AFF2: variants seen among roughly 807,000 people sequenced by gnomAD.
AFF2 encodes the protein AF4/FMR2 family member 2.
AFF2 carries 14 observed loss-of-function variants against 76.9 expected under a neutral mutation model. That is an observed-to-expected ratio of 0.18 (90% CI 0.12 to 0.28). AFF2 has a LOEUF of 0.28. Ranked by LOEUF, AFF2 falls within the 10% of genes least tolerant of loss-of-function variation. The probability of loss-of-function intolerance (pLI) is 1.00; values close to 1 mark genes in which losing one functional copy is unlikely to be tolerated. For synonymous variants in AFF2, 398 were observed against 366.7 expected (o/e 1.09, Z -0.98); for missense variants, 868 against 1,001.1 (o/e 0.87, Z 1.79).
chrX:148,533,801 C>T (rs1253746019), intron 1 of AFF2, among the ~76,000 whole-genome samples: 1 of 112,142 alleles, frequency 8.9e-6, no homozygotes, highest in Non-Finnish European at 1.9e-5. Context: ...ATTTGTCTTT[C>T]ATAGTCTCCA....
intron 3 of AFF2, among the ~76,000 whole-genome samples, chrX:148,760,336 T>A (rs2069425322): frequency 9.0e-6 from 1 of 111,269 alleles, no homozygotes; most frequent in Non-Finnish European, 1.9e-5. Context: ...CAGACTGGAG[T>A]TTTCTATGGG....
chrX:148,966,669 T>C (rs1158968373), intron 13 of AFF2, 121 bp from the exon 14 acceptor site: 23 of 1,040,773 alleles, frequency 2.2e-5, no homozygotes, highest in Non-Finnish European at 2.7e-5. Flanking sequence ...GTGTGCATTG[T>C]TTTCTTTCTT....
chrX:148,925,520 C>A (rs1395725877), intron 9 of AFF2, among the ~76,000 whole-genome samples: 3 of 112,221 alleles, frequency 2.7e-5, no homozygotes, highest in Non-Finnish European at 5.6e-5. Flanking sequence ...TAACAGAATG[C>A]TGGCCGATGG....
chrX:148,562,315 A>G, intron 1 of AFF2, among the ~76,000 whole-genome samples: 1 of 112,093 alleles, frequency 8.9e-6, no homozygotes, highest in Non-Finnish European at 1.9e-5. Flanking sequence ...AATGGTGAGT[A>G]AAAGTCATGC....
At chrX:148,910,970 A>T (rs1438167521) in intron 9 of AFF2, among the ~76,000 whole-genome samples, 3 of 111,136 alleles carry the variant, frequency 2.7e-5, no homozygotes, top group African/African-American at 9.8e-5. Context: ...TGGACATTCC[A>T]CTTCTTTAAA....
chrX:148,825,528 T>C lies in AFF2; in HGVS notation c.1087-12119T>C, dbSNP rs782551509. On this transcript the variant is annotated intron_variant, in intron 4 of 20. Transcript: ENST00000370460. ...ATCTGATTTGGCCAAGGAGTTTAGA[T>C]TGCCCCTGTGATTTTCTTGAATATT... is the stretch of plus-strand genomic sequence containing the variant. Among the ~76,000 whole-genome samples, 6 of 110,808 alleles carry C rather than the reference T, an allele frequency of 5.4e-5. No individual in the cohort carries two copies. In the South Asian group the frequency reaches 1.2e-3, roughly 22 times the overall value.
chrX:148,704,919 G>A (rs1177226323), intron 3 of AFF2, among the ~76,000 whole-genome samples: 1 of 110,068 alleles, frequency 9.1e-6, no homozygotes, highest in African/African-American at 3.3e-5. Context: ...CTCCCACCTC[G>A]GCCTCCCAAA....
intron 9 of AFF2, among the ~76,000 whole-genome samples, chrX:148,917,206 G>A (rs782277196): frequency 8.9e-6 from 1 of 112,088 alleles, no homozygotes; most frequent in East Asian, 2.8e-4. Context: ...CCCTCCAAGT[G>A]ATTCTTCTGG....
chrX:148,970,212 C>A (rs1557289358), intron 15 of AFF2, among the ~76,000 whole-genome samples: 2 of 112,074 alleles, frequency 1.8e-5, no homozygotes, highest in Non-Finnish European at 3.8e-5. Flanking sequence ...GATATTTCTC[C>A]ACAGTAGCTT....
At chrX:148,895,030 G>A (rs782362644) in intron 8 of AFF2, among the ~76,000 whole-genome samples, 2 of 111,275 alleles carry the variant, frequency 1.8e-5, no homozygotes, top group African/African-American at 6.6e-5. Context: ...CTGCAGTCCG[G>A]ATTCATGCCC....
chrX:148,506,338 A>T (rs952633802), intron 1 of AFF2, among the ~76,000 whole-genome samples: 1 of 111,677 alleles, frequency 9.0e-6, no homozygotes, highest in Admixed American at 9.5e-5. Flanking sequence ...CATTTTATTG[A>T]ATGGCAAATT....
chrX:148,701,016 G>GAA (rs1239381497), intron 3 of AFF2, among the ~76,000 whole-genome samples: 2,858 of 98,116 alleles, frequency 0.029, 37 homozygotes, highest in Non-Finnish European at 0.041. Context: ...GAGAGAATGT[G>GAA]TGTGTGTGTG....
At chrX:148,585,611 G>C (rs189131910) in intron 1 of AFF2, among the ~76,000 whole-genome samples, 1 of 109,920 alleles carries the variant, frequency 9.1e-6, no homozygotes, top group Non-Finnish European at 1.9e-5. Context: ...AGGCCGAGGC[G>C]GGCGGATCAC....
intron 1 of AFF2, among the ~76,000 whole-genome samples, chrX:148,611,998 G>T (rs1409953929): frequency 1.8e-5 from 2 of 111,706 alleles, no homozygotes; most frequent in African/African-American, 3.3e-5. Context: ...GATTAACTTT[G>T]CAGGGCTTTT....
chrX:148,697,527 G>A (rs1169244173), intron 3 of AFF2, among the ~76,000 whole-genome samples: 1 of 111,017 alleles, frequency 9.0e-6, no homozygotes, highest in Admixed American at 9.6e-5. Context: ...ATCTCCTCAG[G>A]CACATTTCTT....
intron 3 of AFF2, among the ~76,000 whole-genome samples, chrX:148,711,658 G>A (rs2054969530): frequency 8.9e-6 from 1 of 112,017 alleles, no homozygotes. Context: ...TGGGGAACCT[G>A]GAAGATTTTA....
chrX:148,863,350 G>T (rs988222950), intron 7 of AFF2, among the ~76,000 whole-genome samples: 6 of 111,942 alleles, frequency 5.4e-5, no homozygotes, highest in Non-Finnish European at 9.4e-5. Context: ...CAGTTTACAA[G>T]ACTGTACTCT....
At chrX:148,860,480 G>A (rs1225446991) in intron 7 of AFF2, among the ~76,000 whole-genome samples, 2 of 111,928 alleles carry the variant, frequency 1.8e-5, no homozygotes, top group Non-Finnish European at 3.8e-5. Flanking sequence ...ATGTGAAAAT[G>A]TTACGTGGAA....
intron 1 of AFF2, among the ~76,000 whole-genome samples, chrX:148,576,037 C>A (rs1464449902): frequency 9.0e-6 from 1 of 110,874 alleles, no homozygotes; most frequent in Non-Finnish European, 1.9e-5. Flanking sequence ...GACAAGAATT[C>A]AGTAGCAGTG....
Sources: gnomAD v4.1 joint callset for allele counts (sites outside exome capture counted in the v4.1 genomes callset) on GRCh38, gnomAD v4.1.1 for gene constraint, MANE v1.5 for transcripts, NCBI Gene and HGNC (gene_info 2026-07-23, HGNC 2026-07-21) for gene names.